The following TSHZ3 variants were observed in gnomAD, a reference collection of about 807,000 sequenced individuals.
The protein encoded by TSHZ3 is teashirt zinc finger homeobox 3.
A neutral mutation model predicts 64.5 loss-of-function variants in TSHZ3; 10 were observed. The ratio of observed to expected loss-of-function variants is 0.16; its 90% CI spans 0.10 to 0.26. The LOEUF (loss-of-function observed/expected upper bound fraction) is 0.26, where lower values mean the gene tolerates loss of function less well. TSHZ3 is among the 10% of genes least tolerant of loss of function. The probability of loss-of-function intolerance (pLI) is 1.00; values close to 1 mark genes in which losing one functional copy is unlikely to be tolerated. For missense variants in TSHZ3, 1,242 were observed against 1,421.7 expected (o/e 0.87, Z 2.03); for synonymous variants, 608 against 593.1 (o/e 1.03, Z -0.36).
At chr19:31,234,692 T>G (rs1211283409) in intron 3 of TSHZ3, among the ~76,000 whole-genome samples, 1 of 152,258 alleles carries the variant, frequency 6.6e-6, no homozygotes, top group African/African-American at 2.4e-5. Context: ...TTTGATTTAA[T>G]TTTTCCATGT....
chr19:31,328,429 C>T (rs1916987352), intron 1 of TSHZ3, among the ~76,000 whole-genome samples: 1 of 152,270 alleles, frequency 6.6e-6, no homozygotes, highest in Non-Finnish European at 1.5e-5. Flanking sequence ...CCCAGGCTGA[C>T]AAATGGCAGC....
intron 1 of TSHZ3, among the ~76,000 whole-genome samples, chr19:31,247,741 C>T (rs896326692): frequency 1.3e-5 from 2 of 152,106 alleles, no homozygotes; most frequent in Non-Finnish European, 2.9e-5. Flanking sequence ...TGGAAGTGCA[C>T]ATCTTGTTTA....
At chr19:31,305,908 T>A (rs897517979) in intron 1 of TSHZ3, 5 of 152,094 alleles carry the variant, frequency 3.3e-5, no homozygotes, top group African/African-American at 4.8e-5. Context: ...TATCTGTTTT[T>A]AAAAAAAATC....
At chr19:31,348,048 C>G (rs2021566620) in intron 1 of TSHZ3, among the ~76,000 whole-genome samples, 1 of 152,228 alleles carries the variant, frequency 6.6e-6, no homozygotes, top group African/African-American at 2.4e-5. Flanking sequence ...GGAAGCCCCA[C>G]TTAACCCTCC....
At chr19:31,268,636 G>A (rs1327970962) in intron 1 of TSHZ3, among the ~76,000 whole-genome samples, 1 of 152,142 alleles carries the variant, frequency 6.6e-6, no homozygotes, top group Non-Finnish European at 1.5e-5. Context: ...TAGGATGGCT[G>A]GGGAGAAAGA....
chr19:31,286,485 G>C (rs190299761), intron 1 of TSHZ3, among the ~76,000 whole-genome samples: 2 of 152,208 alleles, frequency 1.3e-5, no homozygotes, highest in African/African-American at 4.8e-5. Flanking sequence ...AATGGTCAAG[G>C]AAGGTGGAAA....
In TSHZ3 at chr19:31,277,683, C is replaced by T; in HGVS notation, c.2110G>A (p.Gly704Ser). 2 of 1,526,834 alleles carry T rather than the reference C, an allele frequency of 1.3e-6. No individual in the cohort carries two copies. The highest frequency in any genetic ancestry group is 1.8e-6 in the Non-Finnish European group (2 of 1,139,068). The allele number at this position is 1,526,834 out of a possible 1,614,324, so 94.6% of individuals were successfully genotyped here. A position where few individuals can be genotyped will look rare whatever the true frequency, so the allele number is the denominator to read the frequency against. The change falls in exon 2 of 2, where the codon GGC becomes AGC. Residue 704 changes from glycine to serine, a missense_variant. Physicochemically the swap from Gly to Ser is moderately conservative, Grantham distance 56. This residue lies in a region of TSHZ3 where 550 missense variants were observed against 545.1 expected (regional missense o/e 1.01). Transcript: ENST00000240587. This position sits in a 1 kb window ranked among gnomAD's most constrained non-coding sequence, Gnocchi z 4.5. ...TGGTCGGTGATGATGGCCGTGCTGC[C>T]ACTCAAACTGCTGGCTAGGGGCTTC... is the stretch of plus-strand genomic sequence containing the variant. ...LVKPLASSLS[G>S]STAIITDHPP...
chr19:31,169,583 T>G (rs997877717), intron 5 of TSHZ3, among the ~76,000 whole-genome samples: 1 of 152,102 alleles, frequency 6.6e-6, no homozygotes, highest in African/African-American at 2.4e-5. Flanking sequence ...TTAATACCAC[T>G]GAGTTGTACA....
chr19:31,286,872 G>C (rs936091634), intron 1 of TSHZ3, among the ~76,000 whole-genome samples: 1 of 152,202 alleles, frequency 6.6e-6, no homozygotes, highest in Non-Finnish European at 1.5e-5. Context: ...TGTCCGGGGA[G>C]AGAAGAGAGC....
rs117533490 is a variant in TSHZ3 at position 31,182,002 on chromosome 19, G to C, written n.809+22954C>G. On this transcript the variant is annotated intron_variant and non_coding_transcript_variant, in intron 5 of 6. Transcript: ENST00000651361. Reference sequence around the variant, plus strand: ...TCCTGCAGGCATCTCCACTGCAGGTGAATGCAGTGTCTGTCATCCCCACTG... The same window carrying C: ...TCCTGCAGGCATCTCCACTGCAGGTCAATGCAGTGTCTGTCATCCCCACTG... Among the ~76,000 whole-genome samples the C allele has an allele frequency of 8.3e-4, 127 of 152,284 alleles. 1 individual carries two copies. The East Asian group carries it at 0.023, about 28-fold the overall frequency.
intron 1 of TSHZ3, among the ~76,000 whole-genome samples, chr19:31,259,489 C>A (rs369176890): frequency 6.6e-6 from 1 of 151,986 alleles, no homozygotes; most frequent in Non-Finnish European, 1.5e-5. Flanking sequence ...AGGGTCCAGT[C>A]GAAGCATGCG....
At chr19:31,216,749 G>A (rs1975337928) in intron 4 of TSHZ3, among the ~76,000 whole-genome samples, 2 of 152,088 alleles carry the variant, frequency 1.3e-5, no homozygotes, top group Non-Finnish European at 2.9e-5. Context: ...CGATTCTCCT[G>A]CCTCTCTCCC....
Position 31,278,146 on chromosome 19 carries a change from G to A in TSHZ3, c.1647C>T (p.Ser549=). Residue 549 remains serine, a synonymous_variant, in exon 2 of 2, where the codon AGC becomes AGT. Transcript: ENST00000240587. The surrounding 1 kb of genome is among the most constrained non-coding windows in gnomAD (Gnocchi z 4.7). The stretch of plus-strand genomic sequence containing the variant: ...TGGGAAGTTGGTAGGCGGCATGGAT[G>A]CTGGGATAGCCCCCCCAGCTAGGAG... ...NGTPSWGGYP[S]IHAAYQLPNM... The A allele has an allele frequency of 6.2e-7, 1 of 1,614,222 alleles. No individual in the cohort carries two copies. The highest frequency in any genetic ancestry group is 8.5e-7 in the Non-Finnish European group (1 of 1,180,050).
rs1976211641 is a variant in TSHZ3 at position 31,275,440 on chromosome 19, TTTG to T, written c.*1104_*1106del. 1 of 152,396 alleles carries T rather than the reference TTTG, an allele frequency of 6.6e-6. No individual in the cohort carries two copies. The highest frequency in any genetic ancestry group is 1.5e-5 in the Non-Finnish European group (1 of 67,994). The allele number at this position is 152,396 out of a possible 1,614,324, so 9.4% of individuals were successfully genotyped here. A position where few individuals can be genotyped will look rare whatever the true frequency, so the allele number is the denominator to read the frequency against. ...ATACAGTACAAGTTCTTTTTTTTTTTTTGTTCTTTTTTTTAACCTTTTCAAATA... is the reference window on the plus strand; with the variant it reads ...ATACAGTACAAGTTCTTTTTTTTTTTTTCTTTTTTTTAACCTTTTCAAATA... On this transcript the variant is annotated 3_prime_UTR_variant, in exon 2 of 2. Coordinates refer to ENST00000240587, the MANE Select transcript of TSHZ3 (RefSeq NM_020856.4).
chr19:31,321,841 T>G (rs903636078), intron 1 of TSHZ3, among the ~76,000 whole-genome samples: 1 of 152,128 alleles, frequency 6.6e-6, no homozygotes. Context: ...CTTTTTCTTT[T>G]TTTTTATACT....
rs1976245551 is a variant in TSHZ3, at chr19:31,276,873, G to A, written c.2920C>T (p.Pro974Ser). The A allele has an allele frequency of 3.7e-6, 6 of 1,614,094 alleles. No individual in the cohort carries two copies. The highest frequency in any genetic ancestry group is 5.1e-6 in the Non-Finnish European group (6 of 1,180,056). The change falls in exon 2 of 2, where the codon CCC becomes TCC. Residue 974 changes from proline (P) to serine (S), a missense_variant. Coordinates refer to ENST00000240587, the MANE Select transcript of TSHZ3 (RefSeq NM_020856.4). ...GCACAATCGTTACAAAAGAAGACGG[G>A]GTGGCCAGTGTCCAAGTTTTTGAGG... ...KFLKNLDTGHPVFFCNDCASQ... is the reference protein window; with the variant it reads ...KFLKNLDTGHSVFFCNDCASQ...
At chr19:31,173,621 G>T (rs1599560023) in intron 5 of TSHZ3, among the ~76,000 whole-genome samples, 1 of 152,244 alleles carries the variant, frequency 6.6e-6, no homozygotes, top group African/African-American at 2.4e-5. Flanking sequence ...ACATGCTATG[G>T]TTTGCACCTA....
chr19:31,251,688 C>G (rs147457671), intron 1 of TSHZ3, among the ~76,000 whole-genome samples: 1 of 152,190 alleles, frequency 6.6e-6, no homozygotes, highest in Non-Finnish European at 1.5e-5. Context: ...GCCACCTAGA[C>G]CAGTCCATCT....
intron 5 of TSHZ3, among the ~76,000 whole-genome samples, chr19:31,204,224 C>T (rs1181371090): frequency 1.3e-5 from 2 of 151,828 alleles, no homozygotes; most frequent in African/African-American, 4.8e-5. Context: ...CCCTTTCTTC[C>T]TTCCTTCTTC....
Sources: allele counts gnomAD v4.1 joint callset (sites outside exome capture counted in the v4.1 genomes callset), GRCh38; gene constraint gnomAD v4.1.1; regional missense constraint gnomAD v4.1.1; non-coding constraint Gnocchi (gnomAD v3.1); transcripts MANE v1.5; gene names NCBI Gene and HGNC (gene_info 2026-07-23, HGNC 2026-07-21).